The following COLGALT2 variants were observed in gnomAD, a reference collection of about 807,000 sequenced individuals.
The protein encoded by COLGALT2 is procollagen galactosyltransferase 2.
COLGALT2 carries 49 observed loss-of-function variants against 73.4 expected under a neutral mutation model. That is an observed-to-expected ratio of 0.67 (90% CI 0.53 to 0.85). COLGALT2 has a LOEUF of 0.85. Among genes scored for constraint, COLGALT2 ranks in the 40% least tolerant of loss-of-function variants. The pLI is 0.00. For synonymous variants in COLGALT2, 295 were observed against 307.6 expected, an observed-to-expected ratio of 0.96 and a Z score of 0.43; for missense variants, 722 against 790.2, an observed-to-expected ratio of 0.91 and a Z score of 1.03.
At chr1:183,969,748 A>T (rs1670984413) in intron 4 of COLGALT2, among the ~76,000 whole-genome samples, 1 of 152,228 alleles carries the variant, frequency 6.6e-6, no homozygotes. Context: ...AGTGTATTTT[A>T]TGTTGACTTA....
Position 183,951,116 on chromosome 1 carries a change from A to G in COLGALT2, c.1030-3T>C. On this transcript the variant is annotated splice_polypyrimidine_tract_variant and splice_region_variant and intron_variant, in intron 7 of 11. Coordinates refer to ENST00000361927, the MANE Select transcript of COLGALT2 (RefSeq NM_015101.4). ...CGTTTGAGGTTTATCATGAAAATCT[A>G]ATGCAAGAAGGAAAAGGGAAAAGAC... The G allele has an allele frequency of 6.2e-7, 1 of 1,606,480 alleles. No homozygotes were observed. Among genetic ancestry groups the G allele is most frequent in the Non-Finnish European group, 8.5e-7 (1 of 1,173,094 alleles).
At position 183,975,138 on chromosome 1, in the gene COLGALT2, C is replaced by T. The variant is rs754292275; in HGVS notation, c.451G>A (p.Ala151Thr). The T allele has an allele frequency of 2.5e-6, 4 of 1,614,086 alleles. No individual in the cohort carries two copies. The highest frequency in any genetic ancestry group is 3.4e-6 in the Non-Finnish European group (4 of 1,179,956). The change falls in exon 3 of 12, where the codon GCC becomes ACC. Residue 151 changes from alanine (A) to threonine (T), a missense_variant. By Grantham distance (58) the Ala-to-Thr change is moderately conservative (BLOSUM62 0). Coordinates refer to ENST00000361927, the MANE Select transcript of COLGALT2 (RefSeq NM_015101.4). The part of the protein sequence containing the change: ...FAHVMKLRQA[A>T]LRTAREKWSD... ...CATTTTTCCCTCGCAGTTCGAAGGG[C>T]TGCCTGTCGTAGTTTCATCACATGG... is the stretch of plus-strand genomic sequence containing the variant.
chr1:183,986,966 T>C (rs1195104595), intron 1 of COLGALT2, among the ~76,000 whole-genome samples: 3 of 152,110 alleles, frequency 2.0e-5, no homozygotes, highest in African/African-American at 7.2e-5. Context: ...ACCTGTCAAA[T>C]TGGAAGTTCT....
At position 183,949,402 on chromosome 1, in the gene COLGALT2, AG is replaced by A. The variant is rs559917140; in HGVS notation, c.1136+1604del. 7.7e-4 allele frequency among the ~76,000 whole-genome samples: 117 copies of A among 152,366 alleles called. 1 individual carries two copies. Among genetic ancestry groups the A allele is most frequent in the African/African-American group, 2.7e-3 (112 of 41,594 alleles). On this transcript the variant is annotated intron_variant, in intron 8 of 11. Coordinates refer to ENST00000361927, the MANE Select transcript of COLGALT2 (RefSeq NM_015101.4). ...GACATATAGATCAATCAAATAAAAT[AG>A]AGAGTTCAGAAATAAATCCTTACAT...
At chr1:184,035,834 A>G (rs1397015086) in intron 1 of COLGALT2, among the ~76,000 whole-genome samples, 1 of 152,202 alleles carries the variant, frequency 6.6e-6, no homozygotes, top group East Asian at 1.9e-4. Context: ...CTCTTTCCAC[A>G]TAATATGCCC....
Position 183,960,643 on chromosome 1 carries a change from G to A in COLGALT2, c.952+3258C>T, listed in dbSNP as rs557033925. 3.3e-5 allele frequency among the ~76,000 whole-genome samples: 5 copies of A among 152,330 alleles called. No individual in the cohort carries two copies. The South Asian group carries it at 1.0e-3, about 32-fold the overall frequency. On this transcript the variant is annotated intron_variant, in intron 6 of 11. Coordinates refer to ENST00000361927, the MANE Select transcript of COLGALT2 (RefSeq NM_015101.4). ...TTCTATGTTTGCTCATGAACAAAATGCATATACTAATGCAAGCTTGTTCAA... is the reference window on the plus strand; with the variant it reads ...TTCTATGTTTGCTCATGAACAAAATACATATACTAATGCAAGCTTGTTCAA...
At chr1:183,932,336 G>A (rs1266637260), downstream of COLGALT2, among the ~76,000 whole-genome samples, 1 of 152,124 alleles carries the variant, frequency 6.6e-6, no homozygotes, top group African/African-American at 2.4e-5. Flanking sequence ...ACTTCTTGAG[G>A]TTCATGCTGT....
At chr1:184,020,421 A>G (rs1292137209) in intron 1 of COLGALT2, among the ~76,000 whole-genome samples, 1 of 152,208 alleles carries the variant, frequency 6.6e-6, no homozygotes, top group Non-Finnish European at 1.5e-5. Flanking sequence ...AGAAGCTCAA[A>G]GAATCGCATG....
intron 1 of COLGALT2, among the ~76,000 whole-genome samples, chr1:184,009,290 T>C (rs1260018311): frequency 1.3e-5 from 2 of 152,234 alleles, no homozygotes; most frequent in Non-Finnish European, 2.9e-5. Flanking sequence ...TCCTTCTGTT[T>C]CAACATCCTG....
chr1:184,005,135 C>T (rs2102842128), intron 1 of COLGALT2, among the ~76,000 whole-genome samples: 1 of 152,242 alleles, frequency 6.6e-6, no homozygotes, highest in African/African-American at 2.4e-5. Context: ...GACAAGGACC[C>T]AGAGCACGCT....
rs200217667 is a variant in COLGALT2 at position 183,950,474 on chromosome 1, TAAAA to T, written c.1136+529_1136+532del. ...AATAAAAGGGCAAAGCTGAACAAAA[TAAAA>T]AAAAAAAAAAAGAAGGGATCTAACT... On this transcript the variant is annotated intron_variant, in intron 8 of 11. Coordinates refer to ENST00000361927, the MANE Select transcript of COLGALT2 (RefSeq NM_015101.4). Among the ~76,000 whole-genome samples, 3 of 119,464 alleles carry T rather than the reference TAAAA, an allele frequency of 2.5e-5. No homozygotes were observed. The East Asian group carries it at 6.6e-4, about 26-fold the overall frequency. The allele number at this position is 119,464 out of a possible 152,430, so 78.4% of individuals were successfully genotyped here.
At chr1:184,024,360 C>CTTTTTT (rs58405733) in intron 1 of COLGALT2, among the ~76,000 whole-genome samples, 12 of 143,998 alleles carry the variant, frequency 8.3e-5, no homozygotes, top group Non-Finnish European at 1.7e-4. Context: ...TTTTCTTTTT[C>CTTTTTT]TTTTTTTTTT....
At chr1:184,024,993 C>T (rs190257309) in intron 1 of COLGALT2, among the ~76,000 whole-genome samples, 28 of 152,316 alleles carry the variant, frequency 1.8e-4, no homozygotes, top group Admixed American at 1.2e-3. Flanking sequence ...TCTCATAGGG[C>T]AAGGAGAGTT....
At chr1:184,012,866 C>T (rs1337805514) in intron 1 of COLGALT2, among the ~76,000 whole-genome samples, 1 of 152,204 alleles carries the variant, frequency 6.6e-6, no homozygotes, top group Non-Finnish European at 1.5e-5. Flanking sequence ...ATTACAATAA[C>T]TTGTTTACCT....
At position 183,973,681 on chromosome 1, in the gene COLGALT2, T is replaced by G; in HGVS notation, c.562A>C (p.Ile188Leu). ...LNLLIAENKTIVAPMLESRGL... is the reference protein window; with the variant it reads ...LNLLIAENKTLVAPMLESRGL... ...CGAGACTCCAGCATGGGGGCCACAA[T>G]AGTTTTGTTTTCTGCAATCAGTAGA... Residue 188 changes from isoleucine to leucine, a missense_variant, in exon 4 of 12, where the codon ATT (isoleucine) becomes CTT (leucine). By Grantham distance (5) the Ile-to-Leu change is conservative. Transcript: ENST00000361927. 6.2e-7 allele frequency: 1 copy of G among 1,614,002 alleles called. No individual in the cohort carries two copies. The highest frequency in any genetic ancestry group is 8.5e-7 in the Non-Finnish European group (1 of 1,179,990).
At chr1:184,004,373 G>T (rs1672013055) in intron 1 of COLGALT2, among the ~76,000 whole-genome samples, 1 of 152,140 alleles carries the variant, frequency 6.6e-6, no homozygotes, top group African/African-American at 2.4e-5. Context: ...AAAGTAGGAG[G>T]TAAACAGTAA....
chr1:183,972,333 C>A (rs528608503), intron 4 of COLGALT2, among the ~76,000 whole-genome samples: 101 of 152,300 alleles, frequency 6.6e-4, no homozygotes, highest in Middle Eastern at 3.4e-3. Flanking sequence ...GTCTCAAACT[C>A]CTGGGTTCAA....
intron 1 of COLGALT2, among the ~76,000 whole-genome samples, chr1:183,990,524 G>A (rs1671602898): frequency 6.6e-6 from 1 of 152,226 alleles, no homozygotes; most frequent in South Asian, 2.1e-4. Context: ...GTATGACATT[G>A]TTGACGATGG....
intron 1 of COLGALT2, among the ~76,000 whole-genome samples, chr1:184,014,932 G>T (rs1200927525): frequency 3.9e-5 from 6 of 152,148 alleles, no homozygotes; most frequent in Non-Finnish European, 5.9e-5. Context: ...AGCAAGCTTT[G>T]CAAGGGAAAC....
Sources: allele counts gnomAD v4.1 joint callset (sites outside exome capture counted in the v4.1 genomes callset), GRCh38; gene constraint gnomAD v4.1.1; transcripts MANE v1.5; gene names NCBI Gene and HGNC (gene_info 2026-07-23, HGNC 2026-07-21).